ERICH1: variants seen among roughly 807,000 people sequenced by gnomAD.
ERICH1 encodes the protein glutamate-rich protein 1.
ERICH1 carries 56 observed loss-of-function variants against 39.6 expected under a neutral mutation model. That is an observed-to-expected ratio of 1.41 (90% CI 1.14 to 1.77). The LOEUF is 1.77. ERICH1 is among the 40% of genes most tolerant of loss of function. ERICH1 has a pLI of 0.00. For missense variants in ERICH1, 826 were observed against 575.4 expected (o/e 1.44, Z -4.45); for synonymous variants, 313 against 223.6 (o/e 1.40, Z -3.57).
At chr8:649,962 G>A (rs1468955600) in intron 3 of ERICH1, among the ~76,000 whole-genome samples, 3 of 152,210 alleles carry the variant, frequency 2.0e-5, no homozygotes, top group Non-Finnish European at 2.9e-5. Flanking sequence ...GACGGCAGCC[G>A]CGACATCTGG....
intron 3 of ERICH1, chr8:615,638 A>C (rs973139304): frequency 1.1e-4 from 21 of 196,054 alleles, no homozygotes; most frequent in African/African-American, 4.6e-4. Context: ...ACCCTTCACC[A>C]TTGGAAATCA....
chr8:680,728 G>C (rs1196736239), intron 3 of ERICH1, among the ~76,000 whole-genome samples: 1 of 152,238 alleles, frequency 6.6e-6, no homozygotes, highest in Non-Finnish European at 1.5e-5. Flanking sequence ...CACAAATGCA[G>C]TGGTCACCAC....
rs748764031 is a variant in ERICH1 at position 692,585 on chromosome 8, C to T, written c.197G>A (p.Arg66Gln). Reference sequence around the variant, plus strand: ...AGGCCCGCTGGCAGTGTAGAGCCGTCGGGCAGTCGGGGTCTCAGAGCCAGT... The same window carrying T: ...AGGCCCGCTGGCAGTGTAGAGCCGTTGGGCAGTCGGGGTCTCAGAGCCAGT... ...TDTGSETPTA[R>Q]RLYTASGPPE... The change falls in exon 3 of 6, where the codon CGA becomes CAA. Residue 66 changes from arginine (R) to glutamine (Q), a missense_variant. By Grantham distance (43) the Arg-to-Gln change is conservative (BLOSUM62 1). Coordinates refer to ENST00000262109, the MANE Select transcript of ERICH1 (RefSeq NM_207332.3). 2.6e-5 allele frequency: 42 copies of T among 1,605,728 alleles called. No homozygotes were observed. Among genetic ancestry groups the T allele is most frequent in the African/African-American group, 4.0e-5 (3 of 74,258 alleles).
At chr8:691,600 T>C (rs2132060601) in intron 3 of ERICH1, among the ~76,000 whole-genome samples, 1 of 152,396 alleles carries the variant, frequency 6.6e-6, no homozygotes, top group South Asian at 2.1e-4. Flanking sequence ...ATTTTCTAGT[T>C]AAATAATCTA....
intron 5 of ERICH1, among the ~76,000 whole-genome samples, chr8:665,351 C>T (rs760133986): frequency 1.3e-5 from 2 of 152,280 alleles, no homozygotes; most frequent in Middle Eastern, 3.4e-3. Flanking sequence ...ACCGGGCTCA[C>T]GGGTGGACAC....
rs1585639235 is a variant in ERICH1 at position 717,348 on chromosome 8, C to T, written c.23-1341G>A. 2.0e-5 allele frequency among the ~76,000 whole-genome samples: 3 copies of T among 152,250 alleles called. No individual in the cohort carries two copies. The East Asian group carries it at 5.8e-4, about 29-fold the overall frequency. The stretch of plus-strand genomic sequence containing the variant: ...CTCCTGCTGGCTGTGGTGAGCGGGT[C>T]CCACCCCTACAGAAAGGCCTTGCCT... On this transcript the variant is annotated intron_variant, in intron 1 of 5. Transcript: ENST00000262109.
chr8:693,239 C>T (rs1008249933), intron 2 of ERICH1, among the ~76,000 whole-genome samples: 1 of 149,742 alleles, frequency 6.7e-6, no homozygotes, highest in African/African-American at 2.5e-5. Flanking sequence ...CAGAGAGATA[C>T]ACAAATACAC....
At chr8:620,243 C>G (rs11989558) in intron 3 of ERICH1, among the ~76,000 whole-genome samples, 1 of 152,060 alleles carries the variant, frequency 6.6e-6, no homozygotes, top group Non-Finnish European at 1.5e-5. Context: ...ATCCAGGAGG[C>G]GGAGGTTGTA....
At chr8:622,514 G>C (rs1797347384) in intron 3 of ERICH1, among the ~76,000 whole-genome samples, 1 of 152,200 alleles carries the variant, frequency 6.6e-6, no homozygotes, top group Admixed American at 6.5e-5. Context: ...GTGGTGACGT[G>C]ATCTTGGACT....
intron 3 of ERICH1, among the ~76,000 whole-genome samples, chr8:674,280 G>A (rs1021073657): frequency 6.8e-6 from 1 of 146,320 alleles, no homozygotes; most frequent in Non-Finnish European, 1.5e-5. Flanking sequence ...TGTTTTGAAG[G>A]ATGTACAAGT....
intron 3 of ERICH1, among the ~76,000 whole-genome samples, chr8:642,815 G>A (rs913947420): frequency 1.3e-5 from 2 of 152,148 alleles, no homozygotes; most frequent in Admixed American, 1.3e-4. Flanking sequence ...CACCCAGGAT[G>A]TCTACAGGAC....
chr8:638,360 G>C (rs905266139), intron 3 of ERICH1, among the ~76,000 whole-genome samples: 1 of 152,210 alleles, frequency 6.6e-6, no homozygotes, highest in Non-Finnish European at 1.5e-5. Flanking sequence ...CAGCCAGCAC[G>C]GGCCATGTTC....
intron 4 of ERICH1, among the ~76,000 whole-genome samples, chr8:670,661 G>A (rs1467931671): frequency 6.6e-6 from 1 of 152,192 alleles, no homozygotes; most frequent in Non-Finnish European, 1.5e-5. Context: ...GAGGCTCTCT[G>A]TGTGGCTTCT....
At chr8:720,746 T>C (rs1198792373) in intron 1 of ERICH1, among the ~76,000 whole-genome samples, 1 of 152,170 alleles carries the variant, frequency 6.6e-6, no homozygotes, top group Non-Finnish European at 1.5e-5. Flanking sequence ...GGTTTAAGTA[T>C]CATGAATCCC....
At chr8:688,444 C>T (rs1190096299) in intron 3 of ERICH1, among the ~76,000 whole-genome samples, 1 of 151,926 alleles carries the variant, frequency 6.6e-6, no homozygotes, top group African/African-American at 2.4e-5. Context: ...CGCGCCCATT[C>T]TGTAGGCCAG....
intron 3 of ERICH1, among the ~76,000 whole-genome samples, chr8:654,717 T>A (rs796359300): frequency 1.1e-4 from 16 of 152,238 alleles, no homozygotes; most frequent in African/African-American, 3.6e-4. Context: ...CCCCCCAGGC[T>A]GCCATGGAGA....
chr8:686,815 G>C (rs983910035), intron 3 of ERICH1: 1 of 152,248 alleles, frequency 6.6e-6, no homozygotes, highest in African/African-American at 2.4e-5. Flanking sequence ...CCCTCCTCTA[G>C]GACCAGGCGA....
intron 3 of ERICH1, among the ~76,000 whole-genome samples, chr8:622,277 A>AC (rs1029557411): frequency 1.3e-5 from 2 of 151,842 alleles, no homozygotes; most frequent in Admixed American, 6.6e-5. Context: ...GTTTGTATCC[A>AC]CCCCCCATTT....
intron 3 of ERICH1, chr8:691,174 C>G (rs991355619): frequency 6.2e-4 from 5 of 8,028 alleles, no homozygotes; most frequent in African/African-American, 1.8e-3. Flanking sequence ...TTTACCATTT[C>G]AAGTCACTGG....
Sources: gnomAD v4.1 joint callset for allele counts (sites outside exome capture counted in the v4.1 genomes callset) on GRCh38, gnomAD v4.1.1 for gene constraint, MANE v1.5 for transcripts, NCBI Gene and HGNC (gene_info 2026-07-23, HGNC 2026-07-21) for gene names.